The following ACMSD variants were observed in gnomAD, a reference collection of about 807,000 sequenced individuals.
The protein encoded by ACMSD is aminocarboxymuconate semialdehyde decarboxylase, also known as 2-amino-3-carboxymuconate-6-semialdehyde decarboxylase.
Under a neutral mutation model 45.9 loss-of-function variants are expected in ACMSD, and 37 were observed. The observed-to-expected ratio is 0.81, with a 90% CI of 0.62 to 1.06. The LOEUF (loss-of-function observed/expected upper bound fraction) is 1.06, where lower values mean the gene tolerates loss of function less well. Among genes scored for constraint, ACMSD ranks in the 50% least tolerant of loss-of-function variants. ACMSD has a pLI of 0.00. For missense variants in ACMSD, 434 were observed against 420.9 expected (o/e 1.03, Z -0.27); for synonymous variants, 138 against 148.8 (o/e 0.93, Z 0.53).
At chr2:134,894,735 C>A (rs1361880938) in intron 8 of ACMSD, among the ~76,000 whole-genome samples, 2 of 151,852 alleles carry the variant, frequency 1.3e-5, no homozygotes, top group Non-Finnish European at 2.9e-5. Context: ...AGGCTCTAGT[C>A]AAGGCAATTA....
Position 134,851,209 on chromosome 2 carries a change from C to T in ACMSD, c.102+5932C>T, listed in dbSNP as rs184416076. Among the ~76,000 whole-genome samples, 222 of 152,244 alleles carry T rather than the reference C, an allele frequency of 1.5e-3. 2 individuals carry two copies. The Middle Eastern group carries it at 0.034, about 23-fold the overall frequency. ...ATTATATTTTCTTTATCCAGTTCATCGTTATGGGCACCTAGGTTGATACCA... is the reference window on the plus strand; with the variant it reads ...ATTATATTTTCTTTATCCAGTTCATTGTTATGGGCACCTAGGTTGATACCA... On this transcript the variant is annotated intron_variant, in intron 2 of 9. Transcript: ENST00000356140.
At chr2:134,859,459 T>C in intron 3 of ACMSD, 102 bp downstream of exon 3, 1 of 1,105,138 alleles carries the variant, frequency 9.0e-7, no homozygotes, top group Admixed American at 2.0e-5. Context: ...CTGACCCCCT[T>C]TTCTCTGCCA....
At chr2:134,844,586 G>A (rs6729702) in intron 1 of ACMSD, 77,805 of 152,982 alleles carry the variant, frequency 0.51, 20,734 homozygotes, top group Middle Eastern at 0.82. Flanking sequence ...TGTTAAGGGC[G>A]TTGGGCCAAG....
chr2:134,857,228 A>T (rs1687625661), intron 2 of ACMSD, among the ~76,000 whole-genome samples: 1 of 152,152 alleles, frequency 6.6e-6, no homozygotes, highest in Non-Finnish European at 1.5e-5. Flanking sequence ...TCATGAGGTC[A>T]GAAGTTCAAG....
intron 9 of ACMSD, among the ~76,000 whole-genome samples, chr2:134,899,900 C>T (rs1321145517): frequency 6.6e-6 from 1 of 152,080 alleles, no homozygotes; most frequent in Non-Finnish European, 1.5e-5. Context: ...AGATCCAATA[C>T]CTCTTTTGTG....
At chr2:134,847,703 T>A (rs954691731) in intron 2 of ACMSD, among the ~76,000 whole-genome samples, 1 of 152,162 alleles carries the variant, frequency 6.6e-6, no homozygotes, top group African/African-American at 2.4e-5. Context: ...AGTGAGAACA[T>A]GCAGTGTTTG....
chr2:134,867,788 A>AAT, intron 6 of ACMSD, 116 bp downstream of exon 6: 1 of 723,232 alleles, frequency 1.4e-6, no homozygotes, highest in Non-Finnish European at 2.3e-6. Context: ...GATTATGAGT[A>AAT]ATAGCAGCTA....
chr2:134,886,249 T>A (rs6743386), intron 8 of ACMSD, among the ~76,000 whole-genome samples: 34,627 of 104,920 alleles, frequency 0.33, 4,640 homozygotes, highest in Middle Eastern at 0.65. Flanking sequence ...TATTATTATT[T>A]TTTTTTTTTT....
At chr2:134,845,447 G>A (rs1274205791) in intron 2 of ACMSD, among the ~76,000 whole-genome samples, 170 bp downstream of exon 2, 3 of 151,458 alleles carry the variant, frequency 2.0e-5, no homozygotes, top group Non-Finnish European at 4.4e-5. Flanking sequence ...GGGAAAAATG[G>A]AGGTGACTTC....
intron 6 of ACMSD, 69 bp downstream of exon 6, chr2:134,867,741 T>TCC: frequency 1.6e-6 from 2 of 1,280,678 alleles, no homozygotes; most frequent in Non-Finnish European, 2.2e-6. Context: ...TATGGAAACC[T>TCC]ATTATGTCAA....
At chr2:134,862,957 C>T (rs1687915894) in intron 4 of ACMSD, 4 of 985,380 alleles carry the variant, frequency 4.1e-6, no homozygotes, top group Admixed American at 1.2e-4. Context: ...AGGGGCAGGA[C>T]AAGTCAGTGA....
intron 7 of ACMSD, 113 bp from the exon 8 acceptor site, chr2:134,872,356 T>C: frequency 8.5e-7 from 1 of 1,172,714 alleles, no homozygotes; most frequent in Non-Finnish European, 1.2e-6. Context: ...CAATAGGTCC[T>C]CTGTAATTAC....
At chr2:134,842,113 A>G (rs1472521894) in intron 1 of ACMSD, among the ~76,000 whole-genome samples, 1 of 152,182 alleles carries the variant, frequency 6.6e-6, no homozygotes, top group African/African-American at 2.4e-5. Flanking sequence ...ATGCTCATAA[A>G]TGCTGTGAGA....
In ACMSD at chr2:134,888,724, G is replaced by T. The variant is rs927034155; in HGVS notation, c.850-9617G>T. 9.2e-5 allele frequency among the ~76,000 whole-genome samples: 14 copies of T among 152,136 alleles called. 1 individual carries two copies. The highest frequency in any genetic ancestry group is 3.4e-4 in the African/African-American group (14 of 41,418). The stretch of plus-strand genomic sequence containing the variant: ...AGATAACTCTTACAAAAGGCTGAAT[G>T]AATGAAGCTGGATCCCAGAGAGTGT... On this transcript the variant is annotated intron_variant, in intron 8 of 9. Transcript: ENST00000356140.
chr2:134,846,626 C>T (rs1053669120), intron 2 of ACMSD, among the ~76,000 whole-genome samples: 14 of 152,098 alleles, frequency 9.2e-5, no homozygotes, highest in African/African-American at 2.9e-4. Context: ...AGGCTGACCT[C>T]GAACTCCTGG....
At chr2:134,893,236 G>GCCT (rs1689902736) in intron 8 of ACMSD, among the ~76,000 whole-genome samples, 1 of 145,662 alleles carries the variant, frequency 6.9e-6, no homozygotes, top group Admixed American at 6.9e-5. Context: ...TTGAGACAGG[G>GCCT]CCTCGCTCTT....
chr2:134,892,888 T>C (rs1689880936), intron 8 of ACMSD, among the ~76,000 whole-genome samples: 1 of 152,196 alleles, frequency 6.6e-6, no homozygotes, highest in Non-Finnish European at 1.5e-5. Context: ...TTTAATTGCC[T>C]GTGAAGCAGC....
At chr2:134,876,962 T>C (rs1688767746) in intron 8 of ACMSD, among the ~76,000 whole-genome samples, 1 of 152,088 alleles carries the variant, frequency 6.6e-6, no homozygotes. Context: ...TTAGTAGAGA[T>C]GGGTTTCACG....
At chr2:134,865,454 C>T (rs1363392665) in intron 5 of ACMSD, among the ~76,000 whole-genome samples, 1 of 152,130 alleles carries the variant, frequency 6.6e-6, no homozygotes, top group Non-Finnish European at 1.5e-5. Flanking sequence ...GGTTGAGGTC[C>T]ACATGGATAT....
Sources: allele counts gnomAD v4.1 joint callset (sites outside exome capture counted in the v4.1 genomes callset), GRCh38; gene constraint gnomAD v4.1.1; transcripts MANE v1.5; gene names NCBI Gene and HGNC (gene_info 2026-07-23, HGNC 2026-07-21).